The following DPH6 variants were observed in gnomAD, a reference collection of about 807,000 sequenced individuals.
DPH6 encodes the protein diphthine--ammonia ligase.
A neutral mutation model predicts 38.2 loss-of-function variants in DPH6; 33 were observed. The ratio of observed to expected loss-of-function variants is 0.86; its 90% CI spans 0.65 to 1.15. DPH6 has a LOEUF of 1.15. Among genes scored for constraint, DPH6 ranks in the 50% most tolerant of loss-of-function variants. The pLI is 0.00. For missense variants in DPH6, 325 were observed against 320.0 expected, an observed-to-expected ratio of 1.02 and a Z score of -0.12; for synonymous variants, 108 against 103.0, an observed-to-expected ratio of 1.05 and a Z score of -0.30.
At chr15:35,296,349 T>C (rs1869256190) in intron 3 of DPH6, among the ~76,000 whole-genome samples, 2 of 152,172 alleles carry the variant, frequency 1.3e-5, no homozygotes, top group Non-Finnish European at 2.9e-5. Context: ...CTAACTACCA[T>C]CTTCTAATTT....
chr15:35,453,121 A>G (rs1473500975), intron 4 of DPH6, among the ~76,000 whole-genome samples: 1 of 152,202 alleles, frequency 6.6e-6, no homozygotes, highest in Non-Finnish European at 1.5e-5. Context: ...TTGTGGACCA[A>G]TGGACTCCCA....
intron 5 of DPH6, among the ~76,000 whole-genome samples, chr15:35,435,392 C>T (rs2053685204): frequency 6.6e-6 from 1 of 152,164 alleles, no homozygotes; most frequent in African/African-American, 2.4e-5. Flanking sequence ...AAACATTGAG[C>T]AGTAATTGAT....
At chr15:35,194,395 G>T in the DPH6 span, among the ~76,000 whole-genome samples, 192 of 151,612 alleles carry the variant, frequency 1.3e-3, no homozygotes, top group Non-Finnish European at 2.5e-3. Flanking sequence ...GAGAGAGAGA[G>T]ATAGAGAGAG....
rs533171046 is a variant in DPH6 at position 35,411,435 on chromosome 15, A to G, written c.506-539T>C. ...TTAAATTAAATGACATTTCATTTCA[A>G]TGACTCCTTCGCAACACTGTATTTT... On this transcript the variant is annotated intron_variant, in intron 5 of 8. Coordinates refer to ENST00000256538, the MANE Select transcript of DPH6 (RefSeq NM_080650.4). Among the ~76,000 whole-genome samples, 5 of 151,888 alleles carry G rather than the reference A, an allele frequency of 3.3e-5. No individual in the cohort carries two copies. The East Asian group carries it at 9.7e-4, about 29-fold the overall frequency.
the DPH6 span, among the ~76,000 whole-genome samples, chr15:35,185,724 CTTTTTTTTT>C: frequency 8.4e-4 from 70 of 83,018 alleles, no homozygotes; most frequent in African/African-American, 2.5e-3. Context: ...CCAATCCACT[CTTTTTTTTT>C]TTTTTTTTTT....
intron 6 of DPH6, among the ~76,000 whole-genome samples, chr15:35,408,845 G>C (rs1438113614): frequency 6.6e-6 from 1 of 151,988 alleles, no homozygotes; most frequent in Non-Finnish European, 1.5e-5. Flanking sequence ...AGGCATCTCA[G>C]ACATGAAGTA....
chr15:35,174,457 T>C, the DPH6 span, among the ~76,000 whole-genome samples: 2 of 152,150 alleles, frequency 1.3e-5, no homozygotes, highest in African/African-American at 4.8e-5. Context: ...GAGTCTATAA[T>C]AGAAAAATCA....
At chr15:35,171,058 T>A in the DPH6 span, among the ~76,000 whole-genome samples, 10 of 152,278 alleles carry the variant, frequency 6.6e-5, no homozygotes, top group Admixed American at 6.5e-4. Context: ...TCCTCTAGAG[T>A]CCTATGTACA....
the DPH6 span, among the ~76,000 whole-genome samples, chr15:35,202,068 T>C: frequency 2.0e-5 from 3 of 151,860 alleles, no homozygotes; most frequent in Non-Finnish European, 4.4e-5. Context: ...TATAAGTTCA[T>C]TGCAGTATTG....
At chr15:35,321,944 G>A (rs1247455213) in intron 3 of DPH6, among the ~76,000 whole-genome samples, 1 of 152,122 alleles carries the variant, frequency 6.6e-6, no homozygotes, top group Non-Finnish European at 1.5e-5. Context: ...AAGACTCAGG[G>A]GTTAGGGTTT....
In DPH6 at chr15:35,303,065, C is replaced by T. The variant is rs1399069366; in HGVS notation, n.200+70456G>A. Among the ~76,000 whole-genome samples the T allele has an allele frequency of 2.0e-5, 3 of 152,070 alleles. No individual in the cohort carries two copies. In the East Asian group the frequency reaches 5.8e-4, roughly 29 times the overall value. On this transcript the variant is annotated intron_variant and non_coding_transcript_variant, in intron 3 of 3. Coordinates refer to the DPH6 transcript ENST00000560386. ...TAAGAACCCCAAAGGGTTGAGTTTCCTTCTCTTACACAGGTGACAATGTGG... is the reference window on the plus strand; with the variant it reads ...TAAGAACCCCAAAGGGTTGAGTTTCTTTCTCTTACACAGGTGACAATGTGG...
intron 5 of DPH6, among the ~76,000 whole-genome samples, chr15:35,412,784 T>C (rs564573869): frequency 4.9e-4 from 74 of 151,722 alleles, no homozygotes; most frequent in African/African-American, 1.7e-3. Flanking sequence ...GATAAAACTA[T>C]GAAGATAGTA....
At chr15:35,337,924 A>T (rs1356320058) in intron 3 of DPH6, among the ~76,000 whole-genome samples, 3 of 152,008 alleles carry the variant, frequency 2.0e-5, no homozygotes, top group Admixed American at 2.0e-4. Flanking sequence ...AAAAACAAGC[A>T]ATGGGGAAAG....
At chr15:35,193,137 G>GA in the DPH6 span, among the ~76,000 whole-genome samples, 6 of 152,078 alleles carry the variant, frequency 3.9e-5, no homozygotes, top group East Asian at 9.6e-4. Context: ...TGTGTGTTGA[G>GA]AAAATATGCT....
chr15:35,377,015 C>A (rs980139788), intron 7 of DPH6, among the ~76,000 whole-genome samples: 4 of 151,800 alleles, frequency 2.6e-5, no homozygotes, highest in Non-Finnish European at 5.9e-5. Context: ...TATATATACA[C>A]CAATAACAGT....
chr15:35,438,501 C>T (rs56125318), intron 5 of DPH6, among the ~76,000 whole-genome samples: 3,648 of 152,266 alleles, frequency 0.024, 146 homozygotes, highest in African/African-American at 0.082. Context: ...TCCAGCTTTA[C>T]CTGTTTATTA....
At chr15:35,537,316 T>C (rs1447688741) in intron 3 of DPH6, among the ~76,000 whole-genome samples, 1 of 152,092 alleles carries the variant, frequency 6.6e-6, no homozygotes, top group Non-Finnish European at 1.5e-5. Context: ...GGGACAGGAA[T>C]CTTCTTTCCT....
intron 1 of DPH6, among the ~76,000 whole-genome samples, chr15:35,545,615 A>T (rs1297105054): frequency 6.6e-6 from 1 of 152,146 alleles, no homozygotes; most frequent in Admixed American, 6.6e-5. Flanking sequence ...GGAAACACTT[A>T]CAACTAGGGA....
In DPH6 at chr15:35,476,547, C is replaced by T. The variant is rs550840283; in HGVS notation, c.313-21727G>A. On this transcript the variant is annotated intron_variant, in intron 3 of 8. Coordinates refer to ENST00000256538, the MANE Select transcript of DPH6 (RefSeq NM_080650.4). ...ATCTAAAGTTTTTAAAAAATCCACA[C>T]AAAAGCACAAAGATTCTATTTTTTT... Among the ~76,000 whole-genome samples, 5 of 151,840 alleles carry T rather than the reference C, an allele frequency of 3.3e-5. No homozygotes were observed. The East Asian group carries it at 9.6e-4, about 29-fold the overall frequency.
Sources: allele counts gnomAD v4.1 joint callset (sites outside exome capture counted in the v4.1 genomes callset), GRCh38; gene constraint gnomAD v4.1.1; transcripts MANE v1.5; gene names NCBI Gene and HGNC (gene_info 2026-07-23, HGNC 2026-07-21).